PDE1B: variants seen among roughly 807,000 people sequenced by gnomAD.
The protein encoded by PDE1B is dual specificity calcium/calmodulin-dependent 3',5'-cyclic nucleotide phosphodiesterase 1B.
Under a neutral mutation model 66.7 loss-of-function variants are expected in PDE1B, and 13 were observed. That is an observed-to-expected ratio of 0.19 (90% CI 0.13 to 0.31). The LOEUF is 0.31. PDE1B is among the 10% of genes least tolerant of loss of function. The pLI is 1.00. For missense variants in PDE1B, 485 were observed against 682.3 expected (o/e 0.71, Z 3.22); for synonymous variants, 230 against 253.9 (o/e 0.91, Z 0.90).
At chr12:54,567,855 T>C (rs1186509698) in intron 3 of PDE1B, among the ~76,000 whole-genome samples, 1 of 142,704 alleles carries the variant, frequency 7.0e-6, no homozygotes, top group Non-Finnish European at 1.5e-5. Flanking sequence ...CATATATATA[T>C]ATATATATTT....
At chr12:54,561,029 CT>C (rs1957402129) in intron 2 of PDE1B, among the ~76,000 whole-genome samples, 1 of 152,140 alleles carries the variant, frequency 6.6e-6, no homozygotes. Context: ...GTTCATCCCC[CT>C]GTCTTGCTTC....
chr12:54,567,192 A>G (rs1209024356), intron 3 of PDE1B, 105 bp downstream of exon 3: 1 of 608,202 alleles, frequency 1.6e-6, no homozygotes, highest in East Asian at 3.1e-5. Context: ...CAGAGACCGG[A>G]AGAAAGAGAG....
chr12:54,572,596 C>T lies in PDE1B; in HGVS notation c.595-5C>T, dbSNP rs755073604. On this transcript the variant is annotated splice_polypyrimidine_tract_variant and splice_region_variant and intron_variant, in intron 6 of 15. Transcript: ENST00000243052. ...TATATCTCCATTTCCCCTAACTCCCCGCAGATTCCCACTGTGTTTTTGATG... is the reference window on the plus strand; with the variant it reads ...TATATCTCCATTTCCCCTAACTCCCTGCAGATTCCCACTGTGTTTTTGATG... 56 of 1,612,782 alleles carry T rather than the reference C, an allele frequency of 3.5e-5. No homozygotes were observed. Among genetic ancestry groups the T allele is most frequent in the Middle Eastern group, 3.3e-4 (2 of 6,084 alleles).
rs1259016873 is a variant in PDE1B, at chr12:54,574,002, G to C, written c.1064+293G>C. ...GATGGGGGTTCTCATCGTAGCTCTG[G>C]GACAGGCTTACTCTGGAATGTTGGA... On this transcript the variant is annotated intron_variant, in intron 10 of 15. Coordinates refer to ENST00000243052, the MANE Select transcript of PDE1B (RefSeq NM_000924.4). 8 of 422,246 alleles carry C rather than the reference G, an allele frequency of 1.9e-5. No homozygotes were observed. In the South Asian group the frequency reaches 2.3e-4, roughly 12 times the overall value. 26.2% of individuals were successfully genotyped at this position (422,246 alleles called of 1,614,324 possible).
chr12:54,560,895 C>G (rs576617804), intron 2 of PDE1B, among the ~76,000 whole-genome samples: 1 of 152,244 alleles, frequency 6.6e-6, no homozygotes, highest in Non-Finnish European at 1.5e-5. Flanking sequence ...GTTCTCTTGA[C>G]TTTCCTTCTC....
chr12:54,573,400 TCAC>T lies in PDE1B; in HGVS notation c.886_888del (p.His296del). The T allele has an allele frequency of 1.2e-6, 2 of 1,613,934 alleles. No homozygotes were observed. Among genetic ancestry groups the T allele is most frequent in the Non-Finnish European group, 1.7e-6 (2 of 1,179,876 alleles). On this transcript the variant is annotated inframe_deletion, in exon 9 of 16. Transcript: ENST00000243052. This position sits in a 1 kb window ranked among gnomAD's most constrained non-coding sequence, Gnocchi z 5.2. ...ACAATGATCGTTCAGTGCTGGAGAA[TCAC>T]CACATCAGCTCTGTTTTCCGATTGA...
intron 2 of PDE1B, among the ~76,000 whole-genome samples, chr12:54,550,842 G>T (rs752013483): frequency 3.3e-4 from 50 of 152,154 alleles, no homozygotes; most frequent in Non-Finnish European, 6.2e-4. Context: ...AGTCCCAGGG[G>T]AGGAAAGGAA....
At chr12:54,571,935 G>A (rs932057793) in intron 6 of PDE1B, 4 of 152,340 alleles carry the variant, frequency 2.6e-5, no homozygotes, top group African/African-American at 9.7e-5. Context: ...AGAGATTCAG[G>A]GACAGATCAC....
chr12:54,574,121 T>C (rs1025308373), intron 10 of PDE1B: 1 of 213,198 alleles, frequency 4.7e-6, no homozygotes, highest in South Asian at 8.2e-5. Flanking sequence ...TAGTTCCTAG[T>C]CTCATAGGGC....
At chr12:54,567,147 G>A in intron 3 of PDE1B, 60 bp downstream of exon 3, 1 of 876,978 alleles carries the variant, frequency 1.1e-6, no homozygotes, top group Non-Finnish European at 1.8e-6. Context: ...TCCAGAGAGA[G>A]GGGTTAAGAC....
chr12:54,570,123 T>C (rs1153138), intron 5 of PDE1B, 118 bp from the exon 6 acceptor site: 127,817 of 685,442 alleles, frequency 0.19, 17,470 homozygotes, highest in African/African-American at 0.56. Context: ...AGGCACACTT[T>C]ACCATTTCTT....
intron 2 of PDE1B, among the ~76,000 whole-genome samples, chr12:54,559,557 A>T (rs1957380483): frequency 6.6e-6 from 1 of 152,098 alleles, no homozygotes; most frequent in African/African-American, 2.4e-5. Flanking sequence ...GTTGATCATT[A>T]TCCCTCCTTA....
chr12:54,577,480 A>C, intron 15 of PDE1B, 135 bp downstream of exon 15: 3 of 1,598,656 alleles, frequency 1.9e-6, no homozygotes, highest in South Asian at 2.2e-5. Context: ...GTGAAGACAT[A>C]GAATGGAGCC....
Position 54,573,208 on chromosome 12 carries a change from G to A in PDE1B, c.796G>A (p.Glu266Lys). The A allele has an allele frequency of 6.2e-7, 1 of 1,614,066 alleles. No individual in the cohort carries two copies. The highest frequency in any genetic ancestry group is 8.5e-7 in the Non-Finnish European group (1 of 1,179,996). ...IIFAAAIHDY[E>K]HTGTTNSFHI... ...CTTTGCTGCAGCTATCCATGATTAT[G>A]AGCACACGGGCACTACCAACAGCTT... is the stretch of plus-strand genomic sequence containing the variant. Residue 266 changes from glutamate (E) to lysine (K), a missense_variant, in exon 8 of 16, where the codon GAG becomes AAG. By Grantham distance (56) the Glu-to-Lys change is moderately conservative. Coordinates refer to ENST00000243052, the MANE Select transcript of PDE1B (RefSeq NM_000924.4). The surrounding 1 kb of genome is among the most constrained non-coding windows in gnomAD (Gnocchi z 5.2).
rs774116556 is a variant in PDE1B at position 54,577,275 on chromosome 12, G to A, written c.1558G>A (p.Ala520Thr). 1 of 1,613,648 alleles carries A rather than the reference G, an allele frequency of 6.2e-7. No individual in the cohort carries two copies. Among genetic ancestry groups the A allele is most frequent in the Non-Finnish European group, 8.5e-7 (1 of 1,179,868 alleles). Reference sequence around the variant, plus strand: ...CGAGCTGTCCCCCTGTGAAGAAGAGGCCCCCCCATCCCCTGCCGAAGATGA... The same window carrying A: ...CGAGCTGTCCCCCTGTGAAGAAGAGACCCCCCCATCCCCTGCCGAAGATGA... ...IDELSPCEEEAPPSPAEDEHN... is the reference protein window; with the variant it reads ...IDELSPCEEETPPSPAEDEHN... The change falls in exon 15 of 16, where the codon GCC (alanine) becomes ACC (threonine). Residue 520 changes from alanine (A) to threonine (T), a missense_variant. This residue lies in a region of PDE1B where 126 missense variants were observed against 133.8 expected (regional missense o/e 0.94). Coordinates refer to ENST00000243052, the MANE Select transcript of PDE1B (RefSeq NM_000924.4).
intron 3 of PDE1B, among the ~76,000 whole-genome samples, chr12:54,568,942 G>A (rs1957568719): frequency 6.6e-6 from 1 of 152,152 alleles, no homozygotes; most frequent in South Asian, 2.1e-4. Context: ...TGAAAGATGC[G>A]TTCCATTTCC....
At chr12:54,570,388 C>T in intron 6 of PDE1B, 31 bp downstream of exon 6, 2 of 1,196,470 alleles carry the variant, frequency 1.7e-6, no homozygotes, top group Non-Finnish European at 2.5e-6. Flanking sequence ...TACCTCCAGG[C>T]AGGATTCTCC....
intron 6 of PDE1B, 192 bp downstream of exon 6, chr12:54,570,549 T>G: frequency 3.5e-6 from 2 of 572,860 alleles, no homozygotes; most frequent in Non-Finnish European, 6.3e-6. Flanking sequence ...CTTCATTAAT[T>G]GATTTCTAGG....
chr12:54,554,652 G>A (rs1489946366), intron 2 of PDE1B, among the ~76,000 whole-genome samples: 10 of 152,162 alleles, frequency 6.6e-5, no homozygotes, highest in Non-Finnish European at 4.4e-5. Context: ...CAAACCTCTG[G>A]TCAGGATAGG....
Sources: gnomAD v4.1 joint callset for allele counts (sites outside exome capture counted in the v4.1 genomes callset) on GRCh38, gnomAD v4.1.1 for gene constraint, gnomAD v4.1.1 regional missense constraint, Gnocchi (gnomAD v3.1) non-coding constraint, MANE v1.5 for transcripts, NCBI Gene and HGNC (gene_info 2026-07-23, HGNC 2026-07-21) for gene names.